Variants in SULF2 observed in about 807,000 individuals in gnomAD.
SULF2 encodes extracellular sulfatase Sulf-2.
Under a neutral mutation model 107.7 loss-of-function variants are expected in SULF2, and 52 were observed. The observed-to-expected ratio is 0.48, with a 90% CI of 0.39 to 0.61. The LOEUF is 0.61. SULF2 is among the 20% of genes least tolerant of loss of function. The pLI is 0.00. For synonymous variants in SULF2, 460 were observed against 464.3 expected (o/e 0.99, Z 0.12); for missense variants, 993 against 1,177.3 (o/e 0.84, Z 2.29).
intron 1 of SULF2, among the ~76,000 whole-genome samples, chr20:47,771,004 A>G (rs1467309606): frequency 3.3e-5 from 5 of 152,316 alleles, no homozygotes; most frequent in African/African-American, 9.6e-5. Flanking sequence ...AGGAGCATCA[A>G]GGTCCCACCA....
At chr20:47,735,902 CCTT>C (rs1264770925) in intron 3 of SULF2, among the ~76,000 whole-genome samples, 3 of 152,170 alleles carry the variant, frequency 2.0e-5, no homozygotes, top group African/African-American at 7.2e-5. Flanking sequence ...CAAACAAACC[CCTT>C]GTCACTTGGA....
intron 2 of SULF2, among the ~76,000 whole-genome samples, chr20:47,753,257 G>A (rs763102860): frequency 2.6e-5 from 4 of 152,294 alleles, no homozygotes; most frequent in Admixed American, 6.5e-5. Flanking sequence ...TGGGGAATCC[G>A]CTCTGATATT....
chr20:47,748,912 T>A (rs947495497), intron 2 of SULF2, among the ~76,000 whole-genome samples: 2 of 152,128 alleles, frequency 1.3e-5, no homozygotes, highest in Non-Finnish European at 2.9e-5. Flanking sequence ...TAAACCGTCT[T>A]CCAATGATTC....
At chr20:47,681,657 C>T (rs189663952) in intron 7 of SULF2, among the ~76,000 whole-genome samples, 3 of 152,294 alleles carry the variant, frequency 2.0e-5, no homozygotes, top group Admixed American at 6.5e-5. Context: ...CTATGAGCAT[C>T]CACGTCACAG....
At chr20:47,732,670 C>T (rs924466863) in intron 3 of SULF2, among the ~76,000 whole-genome samples, 7 of 152,086 alleles carry the variant, frequency 4.6e-5, no homozygotes, top group Non-Finnish European at 8.8e-5. Flanking sequence ...GGTGAAACCC[C>T]GTCTCTATTA....
intron 17 of SULF2, 150 bp downstream of exon 17, chr20:47,662,920 A>G (rs544658691): frequency 2.5e-6 from 2 of 816,264 alleles, no homozygotes; most frequent in Non-Finnish European, 1.9e-6. Context: ...AGAACCCCCA[A>G]TCTCAGCAGC....
chr20:47,745,592 C>G (rs6094808), intron 2 of SULF2, among the ~76,000 whole-genome samples: 48,296 of 151,034 alleles, frequency 0.32, 9,682 homozygotes, highest in African/African-American at 0.58. Flanking sequence ...GCAATGGCAC[C>G]ATCTCGGTTC....
intron 3 of SULF2, among the ~76,000 whole-genome samples, chr20:47,707,163 A>G (rs1200006754): frequency 2.0e-5 from 3 of 151,782 alleles, no homozygotes; most frequent in Admixed American, 6.6e-5. Flanking sequence ...TAATTTTTGT[A>G]TTTTTAGTAG....
intron 5 of SULF2, among the ~76,000 whole-genome samples, chr20:47,688,502 T>C (rs1471212868): frequency 6.6e-6 from 1 of 152,236 alleles, no homozygotes; most frequent in East Asian, 1.9e-4. Flanking sequence ...GCACCTCTTT[T>C]AGAGATGCTG....
At position 47,666,542 on chromosome 20, in the gene SULF2, C is replaced by T. The variant is rs1481599556; in HGVS notation, c.1577-54G>A. The T allele has an allele frequency of 1.4e-6, 2 of 1,459,122 alleles. No individual in the cohort carries two copies. Among genetic ancestry groups the T allele is most frequent in the African/African-American group, 1.4e-5 (1 of 72,042 alleles). The allele number at this position is 1,459,122 out of a possible 1,614,324, so 90.4% of individuals were successfully genotyped here. On this transcript the variant is annotated intron_variant, in intron 11 of 20. Transcript: ENST00000688720. This position sits in a 1 kb window ranked among gnomAD's most constrained non-coding sequence, Gnocchi z 5.4. ...AGGGAGGCAGGAAAGGCTGGCCAGGCTCCCAGGGCAGTGGGTCCTTCATCA... is the reference window on the plus strand; with the variant it reads ...AGGGAGGCAGGAAAGGCTGGCCAGGTTCCCAGGGCAGTGGGTCCTTCATCA...
rs1482242334 is a variant in SULF2 at position 47,746,993 on chromosome 20, AAAT to A, written c.176-10054_176-10052del. On this transcript the variant is annotated intron_variant, in intron 2 of 20. Transcript: ENST00000688720. The stretch of plus-strand genomic sequence containing the variant: ...AGAACTTAAATAAATAAAAAAAAAA[AAAT>A]ATATATATATATATATATATATACA... Among the ~76,000 whole-genome samples, 186 of 104,958 alleles carry A rather than the reference AAAT, an allele frequency of 1.8e-3. 1 individual carries two copies. The highest frequency in any genetic ancestry group is 2.8e-3 in the Non-Finnish European group (142 of 51,428). The allele number at this position is 104,958 out of a possible 152,430, so 68.9% of individuals were successfully genotyped here.
chr20:47,715,976 T>C (rs1372900591), intron 3 of SULF2, among the ~76,000 whole-genome samples: 3 of 152,234 alleles, frequency 2.0e-5, no homozygotes, highest in East Asian at 3.8e-4. Context: ...TTTGCTTGTA[T>C]GGTGTTTGGC....
intron 5 of SULF2, 33 bp downstream of exon 5, chr20:47,690,093 A>C: frequency 7.2e-7 from 1 of 1,382,286 alleles, no homozygotes; most frequent in Non-Finnish European, 9.5e-7. Flanking sequence ...CATGCTAAGC[A>C]GTGCCTCTGG....
intron 3 of SULF2, among the ~76,000 whole-genome samples, chr20:47,708,933 A>G (rs1448432552): frequency 1.3e-5 from 2 of 152,146 alleles, no homozygotes; most frequent in African/African-American, 4.8e-5. Context: ...TTAAAAACCC[A>G]AAAAGGGTGT....
intron 1 of SULF2, among the ~76,000 whole-genome samples, chr20:47,784,245 C>A (rs1319023134): frequency 6.6e-6 from 1 of 152,018 alleles, no homozygotes; most frequent in Non-Finnish European, 1.5e-5. Context: ...TGTCCCAACA[C>A]GCACAGATGA....
chr20:47,732,608 G>A (rs1420611525), intron 3 of SULF2, among the ~76,000 whole-genome samples: 5 of 147,976 alleles, frequency 3.4e-5, no homozygotes, highest in Admixed American at 2.0e-4. Context: ...TTGGGAGGCC[G>A]AGGAGGGTGG....
chr20:47,721,794 C>A (rs1453938030), intron 3 of SULF2, among the ~76,000 whole-genome samples: 1 of 152,208 alleles, frequency 6.6e-6, no homozygotes, highest in African/African-American at 2.4e-5. Flanking sequence ...CCTTTCTCAG[C>A]CTTACATGTT....
At chr20:47,763,643 C>G (rs558767597) in intron 1 of SULF2, among the ~76,000 whole-genome samples, 1 of 152,296 alleles carries the variant, frequency 6.6e-6, no homozygotes, top group East Asian at 1.9e-4. Flanking sequence ...CCGCAACAGA[C>G]CTAGCGGCCT....
In SULF2 at chr20:47,749,686, A is replaced by T. The variant is rs538391299; in HGVS notation, c.175+7503T>A. ...CTTGTGTTCACAGATGGAAAGTGGA[A>T]AACAGGAGGCCGGCCAGACCTCTGC... is the stretch of plus-strand genomic sequence containing the variant. On this transcript the variant is annotated intron_variant, in intron 2 of 20. Coordinates refer to ENST00000688720, the MANE Select transcript of SULF2 (RefSeq NM_001387048.1). Among the ~76,000 whole-genome samples the T allele has an allele frequency of 9.1e-4, 138 of 152,352 alleles. 3 individuals carry two copies. The South Asian group carries it at 9.9e-3, about 11-fold the overall frequency.
Sources: gnomAD v4.1 joint callset for allele counts (sites outside exome capture counted in the v4.1 genomes callset) on GRCh38, gnomAD v4.1.1 for gene constraint, Gnocchi (gnomAD v3.1) non-coding constraint, MANE v1.5 for transcripts, NCBI Gene and HGNC (gene_info 2026-07-23, HGNC 2026-07-21) for gene names.